SP140: variants seen among roughly 807,000 people sequenced by gnomAD.
SP140 encodes the protein nuclear body protein SP140.
SP140 carries 81 observed loss-of-function variants against 125.0 expected under a neutral mutation model. That is an observed-to-expected ratio of 0.65 (90% confidence interval 0.54 to 0.78). SP140 has a LOEUF of 0.78. SP140 is among the 30% of genes least tolerant of loss of function. SP140 has a pLI of 0.00. For missense variants in SP140, 858 were observed against 1,037.0 expected, an observed-to-expected ratio of 0.83 and a Z score of 2.37; for synonymous variants, 312 against 354.0, an observed-to-expected ratio of 0.88 and a Z score of 1.33.
intron 22 of SP140, among the ~76,000 whole-genome samples, chr2:230,298,615 C>T (rs1451872961): frequency 6.6e-6 from 1 of 152,122 alleles, no homozygotes; most frequent in Non-Finnish European, 1.5e-5. Context: ...GGTATGGTCA[C>T]CCCTGTTAAT....
At chr2:230,307,632 C>T (rs2058885445) in intron 22 of SP140, among the ~76,000 whole-genome samples, 1 of 152,196 alleles carries the variant, frequency 6.6e-6, no homozygotes, top group South Asian at 2.1e-4. Flanking sequence ...GTTGCCTGCC[C>T]TTATGCAATA....
intron 1 of SP140, chr2:230,213,106 C>T: frequency 7.1e-7 from 1 of 1,398,800 alleles, no homozygotes; most frequent in South Asian, 1.2e-5. Context: ...TAATACATGC[C>T]TTCCAATAGG....
intron 4 of SP140, among the ~76,000 whole-genome samples, chr2:230,242,976 A>G (rs1404348217): frequency 6.6e-6 from 1 of 152,200 alleles, no homozygotes; most frequent in African/African-American, 2.4e-5. Context: ...ATCAGATTGT[A>G]TCATTTTCCT....
rs377705244 is a variant in SP140 at position 230,311,479 on chromosome 2, G to A, written c.2389G>A (p.Glu797Lys). 3.2e-5 allele frequency: 51 copies of A among 1,609,424 alleles called. No individual in the cohort carries two copies. In the African/African-American group the frequency reaches 5.5e-4, roughly 17 times the overall value. The change falls in exon 26 of 27, where the codon GAG (glutamate) becomes AAG (lysine). Residue 797 changes from glutamate to lysine, a missense_variant. Glu to Lys is a moderately conservative substitution (Grantham distance 56). Around this residue, in one of 4 missense-constraint regions of SP140, gnomAD observed 2 missense variants for 81.8 expected, o/e 0.02. Coordinates refer to ENST00000392045, the MANE Select transcript of SP140 (RefSeq NM_007237.5). Reference sequence around the variant, plus strand: ...TAGAGAGGCGTGTCAAGGCCTGAAGGAGCCCATGTGGTTGGATAAAATCAA... The same window carrying A: ...TAGAGAGGCGTGTCAAGGCCTGAAGAAGCCCATGTGGTTGGATAAAATCAA... ...YIREACQGLKEPMWLDKIKKR... is the reference protein window; with the variant it reads ...YIREACQGLKKPMWLDKIKKR...
chr2:230,198,846 C>G (rs976843560), upstream of SP140, among the ~76,000 whole-genome samples: 1 of 152,184 alleles, frequency 6.6e-6, no homozygotes, highest in South Asian at 2.1e-4. Flanking sequence ...GATCCACCCA[C>G]CTCGGCCTCC....
chr2:230,296,096 C>A (rs1049640410), intron 21 of SP140, among the ~76,000 whole-genome samples: 3 of 152,058 alleles, frequency 2.0e-5, no homozygotes, highest in African/African-American at 7.2e-5. Flanking sequence ...AAAAAATTAC[C>A]CAGACATTGT....
In SP140 at chr2:230,238,257, G is replaced by A. The variant is rs1299472063; in HGVS notation, c.282G>A (p.Val94=). 1 of 1,611,238 alleles carries A rather than the reference G, an allele frequency of 6.2e-7. No individual in the cohort carries two copies. The highest frequency in any genetic ancestry group is 8.5e-7 in the Non-Finnish European group (1 of 1,178,962). ...AFRNLVPVTR[V]MYCVLSELEK... Reference sequence around the variant, plus strand: ...GAAACCTGGTCCCAGTGACAAGAGTGATGTATTGTGTACTCAGTGAACTGG... The same window carrying A: ...GAAACCTGGTCCCAGTGACAAGAGTAATGTATTGTGTACTCAGTGAACTGG... Residue 94 remains valine, a synonymous_variant, in exon 3 of 27, where the codon GTG becomes GTA. Coordinates refer to ENST00000392045, the MANE Select transcript of SP140 (RefSeq NM_007237.5).
intron 7 of SP140, 67 bp from the exon 8 acceptor site, chr2:230,247,849 C>T (rs1169920461): frequency 2.7e-6 from 4 of 1,491,348 alleles, no homozygotes; most frequent in Non-Finnish European, 2.8e-6. Flanking sequence ...CTCCATCATG[C>T]TCACTAATCT....
At chr2:230,277,286 T>G (rs2054858102) in intron 15 of SP140, among the ~76,000 whole-genome samples, 1 of 152,054 alleles carries the variant, frequency 6.6e-6, no homozygotes, top group Admixed American at 6.6e-5. Flanking sequence ...GCCACCAACA[T>G]CCAGGCAGGA....
chr2:230,288,688 C>T (rs150730664), intron 18 of SP140, among the ~76,000 whole-genome samples: 2 of 151,964 alleles, frequency 1.3e-5, no homozygotes, highest in South Asian at 2.1e-4. Flanking sequence ...CCTTATTGTT[C>T]GACTTCCACT....
chr2:230,315,197 C>T (rs1422817575), downstream of SP140, among the ~76,000 whole-genome samples: 1 of 152,216 alleles, frequency 6.6e-6, no homozygotes, highest in Non-Finnish European at 1.5e-5. Flanking sequence ...TTCCAAACCT[C>T]AGCCAGTTCT....
At chr2:230,253,117 G>A (rs1257991932) in intron 10 of SP140, among the ~76,000 whole-genome samples, 199 bp from the exon 11 acceptor site, 2 of 152,198 alleles carry the variant, frequency 1.3e-5, no homozygotes, top group Non-Finnish European at 2.9e-5. Context: ...GACAATCCAA[G>A]CGCTGCTCAG....
chr2:230,275,481 A>AC (rs1218702266), intron 15 of SP140, among the ~76,000 whole-genome samples: 2 of 152,176 alleles, frequency 1.3e-5, no homozygotes, highest in East Asian at 3.8e-4. Flanking sequence ...TGTCTATGGC[A>AC]CCACACACTG....
upstream of SP140, among the ~76,000 whole-genome samples, chr2:230,223,725 A>G (rs1176227281): frequency 6.6e-6 from 1 of 152,242 alleles, no homozygotes; most frequent in Non-Finnish European, 1.5e-5. Context: ...AATAGGGGTA[A>G]GTTGGCAAAT....
At chr2:230,190,535 TG>T in the SP140 span, among the ~76,000 whole-genome samples, 7 of 152,218 alleles carry the variant, frequency 4.6e-5, no homozygotes, top group Non-Finnish European at 1.0e-4. Flanking sequence ...TAGTTTCTTT[TG>T]CTGTGCTGTA....
Position 230,253,362 on chromosome 2 carries a change from C to CA in SP140, c.1105dup (p.Thr369AsnfsTer2). On this transcript the variant is annotated frameshift_variant, in exon 11 of 27. Transcript: ENST00000392045. LOFTEE classifies it high-confidence loss of function. ...CCTTTGATCTAAAGACTCCCCAAGT[C>CA]ACTAATGAAGGAGAACCAGAGAAGG... The CA allele has an allele frequency of 6.2e-7, 1 of 1,612,460 alleles. No individual in the cohort carries two copies.
In SP140 at chr2:230,294,292, C is replaced by T. The variant is rs539532927; in HGVS notation, c.1990C>T (p.Pro664Ser). ...LMENGFLPDP[P>S]RIRYRKKKRI... ...TCAGAATGGATTTCTGCCTGATCCT[C>T]CAAGAATACGTTACAGGAAAAAAAA... Residue 664 changes from proline (P) to serine (S), a missense_variant, in exon 21 of 27, where the codon CCA becomes TCA. By Grantham distance (74) the Pro-to-Ser change is moderately conservative (BLOSUM62 -1). Around this residue, in one of 4 missense-constraint regions of SP140, gnomAD observed 791 missense variants for 869.5 expected, o/e 0.91. Coordinates refer to ENST00000392045, the MANE Select transcript of SP140 (RefSeq NM_007237.5). 25 of 1,612,932 alleles carry T rather than the reference C, an allele frequency of 1.5e-5. No individual in the cohort carries two copies. In the East Asian group the frequency reaches 5.6e-4, roughly 36 times the overall value.
At chr2:230,204,796 T>C (rs1186183176) in intron 1 of SP140, among the ~76,000 whole-genome samples, 1 of 152,166 alleles carries the variant, frequency 6.6e-6, no homozygotes, top group Non-Finnish European at 1.5e-5. Flanking sequence ...ATTCCTGAGA[T>C]AGACATAAGT....
chr2:230,200,597 G>A (rs756429104), upstream of SP140: 21 of 470,940 alleles, frequency 4.5e-5, no homozygotes, highest in Non-Finnish European at 7.7e-5. Context: ...TCTCAGTAAT[G>A]GTGATATTGC....
Sources: allele counts gnomAD v4.1 joint callset (sites outside exome capture counted in the v4.1 genomes callset), GRCh38; gene constraint gnomAD v4.1.1; regional missense constraint gnomAD v4.1.1; transcripts MANE v1.5; gene names NCBI Gene and HGNC (gene_info 2026-07-23, HGNC 2026-07-21).